HS6ST2: variants seen among roughly 807,000 people sequenced by gnomAD.
HS6ST2 encodes the protein heparan-sulfate 6-O-sulfotransferase 2.
HS6ST2 carries 17 observed loss-of-function variants against 33.0 expected under a neutral mutation model. That is an observed-to-expected ratio of 0.52 (90% confidence interval 0.35 to 0.77). The LOEUF (loss-of-function observed/expected upper bound fraction) is 0.77. Among genes scored for constraint, HS6ST2 ranks in the 30% least tolerant of loss-of-function variants. The probability of loss-of-function intolerance (pLI) is 0.01; values close to 1 mark genes in which losing one functional copy is unlikely to be tolerated. For missense variants in HS6ST2, 519 were observed against 551.7 expected (o/e 0.94, Z 0.59); for synonymous variants, 248 against 237.1 (o/e 1.05, Z -0.42).
chrX:132,679,745 C>A (rs1754072296), intron 3 of HS6ST2, among the ~76,000 whole-genome samples: 1 of 107,882 alleles, frequency 9.3e-6, no homozygotes, highest in Non-Finnish European at 1.9e-5. Context: ...TAGAAGACAA[C>A]CACGCCTGGG....
chrX:132,895,003 A>T (rs1010888606), intron 2 of HS6ST2, among the ~76,000 whole-genome samples: 3 of 112,458 alleles, frequency 2.7e-5, no homozygotes, highest in Non-Finnish European at 3.7e-5. Flanking sequence ...TTTAAATTTC[A>T]CTTCAAGTGC....
chrX:132,734,451 T>C (rs1431349512), intron 2 of HS6ST2, among the ~76,000 whole-genome samples: 1 of 111,094 alleles, frequency 9.0e-6, no homozygotes, highest in Non-Finnish European at 1.9e-5. Context: ...CAAGACAAGA[T>C]AGCATTTTAA....
At chrX:132,799,668 T>C (rs1245445877) in intron 2 of HS6ST2, among the ~76,000 whole-genome samples, 1 of 111,495 alleles carries the variant, frequency 9.0e-6, no homozygotes, top group Non-Finnish European at 1.9e-5. Context: ...AGGTGTGAGC[T>C]GCTGTGCCCA....
intron 2 of HS6ST2, among the ~76,000 whole-genome samples, chrX:132,889,102 G>C (rs764594406): frequency 9.1e-6 from 1 of 110,202 alleles, no homozygotes; most frequent in Non-Finnish European, 1.9e-5. Flanking sequence ...CTGTGCTTGG[G>C]CTATTAACTG....
Position 132,774,335 on chromosome X carries a change from C to T in HS6ST2, c.948-65841G>A, listed in dbSNP as rs140739095. On this transcript the variant is annotated intron_variant, in intron 2 of 4. Coordinates refer to ENST00000370833, the MANE Select transcript of HS6ST2 (RefSeq NM_001394073.1). ...CTCCTTGTTCATTTATAAAACAGTG[C>T]TATTTGCTGTTTTCTGCTCTCCACC... Among the ~76,000 whole-genome samples, 580 of 112,501 alleles carry T rather than the reference C, an allele frequency of 5.2e-3. 3 individuals carry two copies. Among genetic ancestry groups the T allele is most frequent in the African/African-American group, 0.017 (518 of 31,026 alleles).
intron 3 of HS6ST2, among the ~76,000 whole-genome samples, chrX:132,678,794 T>A (rs2063944348): frequency 8.9e-6 from 1 of 112,449 alleles, no homozygotes; most frequent in Admixed American, 9.4e-5. Context: ...ATTCTGACAA[T>A]TTATGGAAAC....
intron 2 of HS6ST2, among the ~76,000 whole-genome samples, chrX:132,956,348 G>A (rs754325075): frequency 1.9e-5 from 2 of 105,861 alleles, no homozygotes; most frequent in South Asian, 4.8e-4. Flanking sequence ...AAATAGGGGG[G>A]AAAGCGGGGG....
chrX:132,764,482 G>A lies in HS6ST2; in HGVS notation c.948-55988C>T. On this transcript the variant is annotated intron_variant, in intron 2 of 4. Transcript: ENST00000370833. ...TTGGCAGTCTGGGAGTTTATGATGTGACATTTGCATTACATCTCTTGGGGA... is the reference window on the plus strand; with the variant it reads ...TTGGCAGTCTGGGAGTTTATGATGTAACATTTGCATTACATCTCTTGGGGA... 2.7e-5 allele frequency among the ~76,000 whole-genome samples: 3 copies of A among 111,943 alleles called. 1 individual carries two copies. The South Asian group carries it at 1.1e-3, about 42-fold the overall frequency.
At chrX:132,805,654 A>G (rs2065274939) in intron 2 of HS6ST2, among the ~76,000 whole-genome samples, 1 of 110,240 alleles carries the variant, frequency 9.1e-6, no homozygotes, top group Non-Finnish European at 1.9e-5. Flanking sequence ...CAGGCCAGAC[A>G]CAAGATGAAT....
At chrX:132,708,278 G>A (rs1472842015) in intron 3 of HS6ST2, among the ~76,000 whole-genome samples, 184 bp downstream of exon 3, 2 of 85,418 alleles carry the variant, frequency 2.3e-5, no homozygotes, top group Non-Finnish European at 4.3e-5. Context: ...CCAAGCCTGG[G>A]TAGTTTCAGC....
intron 2 of HS6ST2, among the ~76,000 whole-genome samples, chrX:132,943,965 C>G (rs1341509571): frequency 9.0e-6 from 1 of 111,357 alleles, no homozygotes; most frequent in Non-Finnish European, 1.9e-5. Flanking sequence ...GGGATGCCCT[C>G]TCTCACCACT....
At chrX:132,810,057 G>C (rs756174355) in intron 2 of HS6ST2, among the ~76,000 whole-genome samples, 120 of 111,288 alleles carry the variant, frequency 1.1e-3, no homozygotes, top group Non-Finnish European at 1.9e-3. Flanking sequence ...TCCAATCTTG[G>C]TGTTAAGAGA....
At chrX:132,684,033 T>G (rs960600304) in intron 3 of HS6ST2, among the ~76,000 whole-genome samples, 1 of 109,650 alleles carries the variant, frequency 9.1e-6, no homozygotes, top group African/African-American at 3.3e-5. Context: ...GGGTTAGCTC[T>G]GAGTTTCCCA....
At chrX:132,732,779 A>G (rs1274619854) in intron 2 of HS6ST2, among the ~76,000 whole-genome samples, 1 of 111,708 alleles carries the variant, frequency 9.0e-6, no homozygotes, top group Admixed American at 9.5e-5. Context: ...AGTCTCGGCT[A>G]TGTCTTTATT....
chrX:132,660,983 C>T (rs1167399565), intron 4 of HS6ST2, among the ~76,000 whole-genome samples: 1 of 111,463 alleles, frequency 9.0e-6, no homozygotes, highest in African/African-American at 3.3e-5. Context: ...AAGTGCTGAT[C>T]GAAGAGGTAA....
At chrX:132,828,704 AC>A (rs2065553752) in intron 2 of HS6ST2, among the ~76,000 whole-genome samples, 1 of 85,428 alleles carries the variant, frequency 1.2e-5, no homozygotes, top group Non-Finnish European at 2.3e-5. Flanking sequence ...ACACACACAC[AC>A]ACACACACAC....
chrX:132,810,437 AAGAG>A (rs2065330572), intron 2 of HS6ST2, among the ~76,000 whole-genome samples: 1 of 108,848 alleles, frequency 9.2e-6, no homozygotes, highest in Non-Finnish European at 1.9e-5. Flanking sequence ...AGGAGAGAGA[AAGAG>A]AGAGACAGAA....
chrX:132,813,753 T>A (rs1034242915), intron 2 of HS6ST2, among the ~76,000 whole-genome samples: 1 of 110,065 alleles, frequency 9.1e-6, no homozygotes, highest in Non-Finnish European at 1.9e-5. Flanking sequence ...CTAGTTCATG[T>A]CCTCGCTGCC....
At chrX:132,830,355 G>A (rs2065576556) in intron 2 of HS6ST2, among the ~76,000 whole-genome samples, 1 of 111,603 alleles carries the variant, frequency 9.0e-6, no homozygotes, top group African/African-American at 3.3e-5. Flanking sequence ...GGATGGACAT[G>A]GGACCAGGTC....
Sources: gnomAD v4.1 joint callset for allele counts (sites outside exome capture counted in the v4.1 genomes callset) on GRCh38, gnomAD v4.1.1 for gene constraint, MANE v1.5 for transcripts, NCBI Gene and HGNC (gene_info 2026-07-23, HGNC 2026-07-21) for gene names.